The following EYA4 variants were observed in gnomAD, a reference collection of about 807,000 sequenced individuals.
EYA4 encodes the protein protein phosphatase EYA4.
Under a neutral mutation model 87.9 loss-of-function variants are expected in EYA4, and 31 were observed. That is an observed-to-expected ratio of 0.35 (90% confidence interval 0.27 to 0.48). The LOEUF is 0.48. Among genes scored for constraint, EYA4 ranks in the 20% least tolerant of loss-of-function variants. EYA4 has a pLI of 0.99. For missense variants in EYA4, 678 were observed against 761.4 expected (o/e 0.89, Z 1.29); for synonymous variants, 263 against 270.6 (o/e 0.97, Z 0.28).
At chr6:133,414,857 C>G (rs1789570162) in intron 3 of EYA4, among the ~76,000 whole-genome samples, 1 of 152,158 alleles carries the variant, frequency 6.6e-6, no homozygotes, top group Non-Finnish European at 1.5e-5. Context: ...TACACCATGT[C>G]TGTTACCTGT....
At chr6:133,248,138 C>A (rs1774570201) in intron 1 of EYA4, 1 of 152,136 alleles carries the variant, frequency 6.6e-6, no homozygotes, top group African/African-American at 2.4e-5. Context: ...CTTGTACCTG[C>A]AAAGGTTGAC....
At chr6:133,375,986 A>T (rs1378231947) in intron 2 of EYA4, among the ~76,000 whole-genome samples, 1 of 151,810 alleles carries the variant, frequency 6.6e-6, no homozygotes, top group Non-Finnish European at 1.5e-5. Flanking sequence ...CTAGGCATTG[A>T]TATACTACAG....
intron 2 of EYA4, among the ~76,000 whole-genome samples, chr6:133,291,096 A>G (rs1377278283): frequency 6.6e-6 from 1 of 152,180 alleles, no homozygotes; most frequent in African/African-American, 2.4e-5. Flanking sequence ...CAGAAGAAAA[A>G]TAATTTGGCT....
rs149106559 is a variant in EYA4, at chr6:133,286,942, A to G, written c.33+12129A>G. On this transcript the variant is annotated intron_variant, in intron 2 of 19. Coordinates refer to ENST00000355286, the MANE Select transcript of EYA4 (RefSeq NM_004100.5). ...TGTCCTGTACATTGTGTTATTTAGCAGCATCTCTGGTATCTACCCACTAGA... is the reference window on the plus strand; with the variant it reads ...TGTCCTGTACATTGTGTTATTTAGCGGCATCTCTGGTATCTACCCACTAGA... Among the ~76,000 whole-genome samples, 382 of 152,180 alleles carry G rather than the reference A, an allele frequency of 2.5e-3. 2 individuals are homozygous for G. The highest frequency in any genetic ancestry group is 8.8e-3 in the African/African-American group (366 of 41,514).
At chr6:133,452,199 G>T (rs1442960603) in intron 5 of EYA4, among the ~76,000 whole-genome samples, 1 of 152,044 alleles carries the variant, frequency 6.6e-6, no homozygotes, top group African/African-American at 2.4e-5. Context: ...GAAATTCTTT[G>T]TAGAAACTAA....
chr6:133,469,230 T>C (rs2128676680), intron 11 of EYA4, among the ~76,000 whole-genome samples: 1 of 152,168 alleles, frequency 6.6e-6, no homozygotes, highest in Middle Eastern at 3.4e-3. Context: ...AAACTTGCAG[T>C]ATTTGAATTG....
At chr6:133,392,049 A>G (rs1472175386) in intron 3 of EYA4, among the ~76,000 whole-genome samples, 1 of 152,178 alleles carries the variant, frequency 6.6e-6, no homozygotes, top group East Asian at 1.9e-4. Context: ...GAAAGTAGAG[A>G]TTGCTGGAGA....
At chr6:133,433,747 T>C (rs1314820836) in intron 3 of EYA4, among the ~76,000 whole-genome samples, 1 of 152,114 alleles carries the variant, frequency 6.6e-6, no homozygotes, top group African/African-American at 2.4e-5. Flanking sequence ...AACAGCAGAA[T>C]CAGAATCTAA....
intron 10 of EYA4, among the ~76,000 whole-genome samples, chr6:133,466,394 T>C (rs1261734639): frequency 6.6e-6 from 1 of 152,136 alleles, no homozygotes; most frequent in Non-Finnish European, 1.5e-5. Flanking sequence ...AGCACCAGTT[T>C]GTTGTTTTGG....
intron 3 of EYA4, among the ~76,000 whole-genome samples, chr6:133,390,289 G>C (rs565546684): frequency 6.6e-6 from 1 of 151,880 alleles, no homozygotes; most frequent in Non-Finnish European, 1.5e-5. Context: ...GCAGAATCTC[G>C]GCTCACTGTA....
At chr6:133,392,930 T>G (rs1335372505) in intron 3 of EYA4, among the ~76,000 whole-genome samples, 1 of 152,198 alleles carries the variant, frequency 6.6e-6, no homozygotes, top group East Asian at 1.9e-4. Flanking sequence ...GTTAGCTGCT[T>G]GAGTTAATTT....
At chr6:133,309,960 G>A (rs947550825) in intron 2 of EYA4, among the ~76,000 whole-genome samples, 1 of 152,154 alleles carries the variant, frequency 6.6e-6, no homozygotes, top group African/African-American at 2.4e-5. Flanking sequence ...TAAAAAAGAA[G>A]GGTATCTCTA....
At chr6:133,453,519 TCTA>T (rs1793643527) in intron 5 of EYA4, 1 of 152,066 alleles carries the variant, frequency 6.6e-6, no homozygotes, top group Non-Finnish European at 1.5e-5. Context: ...ATTTGAGCTT[TCTA>T]CTGCTGAAAA....
intron 3 of EYA4, among the ~76,000 whole-genome samples, chr6:133,389,191 A>G (rs973916138): frequency 9.9e-5 from 15 of 152,164 alleles, no homozygotes; most frequent in African/African-American, 3.6e-4. Context: ...TTAGAGCTTG[A>G]TTTCATAGGT....
chr6:133,363,786 C>G (rs942845281), intron 2 of EYA4, among the ~76,000 whole-genome samples: 1 of 152,158 alleles, frequency 6.6e-6, no homozygotes, highest in Non-Finnish European at 1.5e-5. Context: ...GACCTTGTAA[C>G]TCTTGAGCCT....
chr6:133,382,254 G>C, intron 2 of EYA4, 138 bp from the exon 3 acceptor site: 1 of 747,302 alleles, frequency 1.3e-6, no homozygotes. Context: ...ATTTAGTACT[G>C]TATGCTGCTG....
At chr6:133,454,136 C>A (rs1482103691) in intron 5 of EYA4, among the ~76,000 whole-genome samples, 3 of 152,088 alleles carry the variant, frequency 2.0e-5, no homozygotes, top group Non-Finnish European at 2.9e-5. Flanking sequence ...CACATTCTGC[C>A]ACCTCCATTC....
intron 5 of EYA4, among the ~76,000 whole-genome samples, chr6:133,454,697 C>G (rs2128639902): frequency 6.6e-6 from 1 of 152,252 alleles, no homozygotes; most frequent in East Asian, 1.9e-4. Flanking sequence ...AAATTTGCTA[C>G]TTCTTGATGT....
At chr6:133,254,465 T>C (rs1775178650) in intron 1 of EYA4, among the ~76,000 whole-genome samples, 1 of 152,006 alleles carries the variant, frequency 6.6e-6, no homozygotes. Flanking sequence ...AGTAAAAAAA[T>C]TTTGTTTAGT....
Sources: allele counts gnomAD v4.1 joint callset (sites outside exome capture counted in the v4.1 genomes callset), GRCh38; gene constraint gnomAD v4.1.1; transcripts MANE v1.5; gene names NCBI Gene and HGNC (gene_info 2026-07-23, HGNC 2026-07-21).